Variants in MTCL2 observed in about 807,000 individuals in gnomAD.
MTCL2 encodes the protein microtubule crosslinking factor 2.
chr20:36,810,583 A>G, the MTCL2 span, among the ~76,000 whole-genome samples: 3 of 152,158 alleles, frequency 2.0e-5, no homozygotes, highest in Non-Finnish European at 4.4e-5. Context: ...GAAAAACAAA[A>G]CCAAAAACGC....
chr20:36,793,689 G>C, the MTCL2 span: 2 of 1,549,026 alleles, frequency 1.3e-6, no homozygotes, highest in Non-Finnish European at 1.7e-6. This position sits in a 1 kb window ranked among gnomAD's most constrained non-coding sequence, Gnocchi z 6.8. Context: ...TGCTTGCCCT[G>C]GTGCAGGTTC....
At chr20:36,832,061 C>T in the MTCL2 span, among the ~76,000 whole-genome samples, 11 of 152,212 alleles carry the variant, frequency 7.2e-5, no homozygotes, top group Admixed American at 6.5e-5. Flanking sequence ...AGCAGCGCAG[C>T]GTCAGGCACA....
At chr20:36,777,932 C>A in the MTCL2 span, 2 of 592,740 alleles carry the variant, frequency 3.4e-6, no homozygotes, top group Non-Finnish European at 6.0e-6. Flanking sequence ...AGGATGCTTT[C>A]TTTGTGGAGT....
chr20:36,793,898 G>A, the MTCL2 span: 2 of 1,550,802 alleles, frequency 1.3e-6, no homozygotes, highest in Non-Finnish European at 1.7e-6. The surrounding 1 kb of genome is among the most constrained non-coding windows in gnomAD (Gnocchi z 6.8). Flanking sequence ...GCTGCTGCGG[G>A]GTGGGTCGGT....
chr20:36,855,750 G>A, the MTCL2 span, among the ~76,000 whole-genome samples: 2 of 151,880 alleles, frequency 1.3e-5, no homozygotes, highest in Admixed American at 6.6e-5. Context: ...AGCCTCCCAA[G>A]TGCCCCACTA....
At chr20:36,843,402 G>A in the MTCL2 span, among the ~76,000 whole-genome samples, 2 of 152,178 alleles carry the variant, frequency 1.3e-5, no homozygotes, top group African/African-American at 2.4e-5. Flanking sequence ...GACTCCTGGG[G>A]CTGCAGAGAA....
chr20:36,838,644 A>G, the MTCL2 span, among the ~76,000 whole-genome samples: 1 of 152,034 alleles, frequency 6.6e-6, no homozygotes, highest in East Asian at 1.9e-4. Flanking sequence ...ATTAGAGGCT[A>G]GCACCAGGTG....
the MTCL2 span, among the ~76,000 whole-genome samples, chr20:36,806,844 T>A: frequency 6.6e-6 from 1 of 152,140 alleles, no homozygotes; most frequent in Non-Finnish European, 1.5e-5. Flanking sequence ...ATGCCCTAAT[T>A]TTTTTTCCCT....
At chr20:36,825,117 A>G in the MTCL2 span, among the ~76,000 whole-genome samples, 1 of 151,584 alleles carries the variant, frequency 6.6e-6, no homozygotes, top group East Asian at 1.9e-4. Flanking sequence ...TAATTTTTGT[A>G]TTTGTAGTAG....
the MTCL2 span, chr20:36,812,882 A>G: frequency 6.3e-7 from 1 of 1,594,552 alleles, no homozygotes; most frequent in Admixed American, 1.7e-5. Context: ...ACCAAAGATC[A>G]CCATGGGGAG....
the MTCL2 span, among the ~76,000 whole-genome samples, chr20:36,794,929 T>C: frequency 5.9e-3 from 897 of 151,726 alleles, 11 homozygotes; most frequent in African/African-American, 0.02. The surrounding 1 kb of genome is among the most constrained non-coding windows in gnomAD (Gnocchi z 5.4). Context: ...CCACCAAACC[T>C]GGCTTTTTTT....
the MTCL2 span, among the ~76,000 whole-genome samples, chr20:36,860,210 T>G: frequency 5.9e-5 from 9 of 152,264 alleles, no homozygotes; most frequent in East Asian, 1.7e-3. Flanking sequence ...CCAATTTCCC[T>G]TAGCCTGAAA....
At chr20:36,847,853 CAAAA>C in the MTCL2 span, among the ~76,000 whole-genome samples, 2 of 83,590 alleles carry the variant, frequency 2.4e-5, no homozygotes, top group Non-Finnish European at 2.4e-5. Context: ...CAGTCTGACT[CAAAA>C]AAAAAAAAAA....
the MTCL2 span, chr20:36,785,945 G>A: frequency 1.0e-6 from 1 of 988,436 alleles, no homozygotes; most frequent in Non-Finnish European, 1.2e-6. Flanking sequence ...CTGGGAGGAG[G>A]AGGTGGTGGA....
chr20:36,841,685 G>A, the MTCL2 span, among the ~76,000 whole-genome samples: 3 of 152,116 alleles, frequency 2.0e-5, no homozygotes, highest in Admixed American at 1.3e-4. Flanking sequence ...AATAGAATTT[G>A]GGTTTGGGAT....
chr20:36,837,691 T>C, the MTCL2 span, among the ~76,000 whole-genome samples: 1 of 151,398 alleles, frequency 6.6e-6, no homozygotes, highest in African/African-American at 2.4e-5. Flanking sequence ...GATTCTCCTG[T>C]CTCAGCCCCT....
chr20:36,859,821 C>T, the MTCL2 span: 9 of 1,231,702 alleles, frequency 7.3e-6, no homozygotes, highest in East Asian at 2.5e-4. Flanking sequence ...TTCCCTTGTA[C>T]TCAGTTTCTG....
the MTCL2 span, among the ~76,000 whole-genome samples, chr20:36,791,120 C>T: frequency 1.3e-5 from 2 of 151,926 alleles, no homozygotes; most frequent in East Asian, 3.9e-4. Flanking sequence ...CTGCAGCCTC[C>T]GCCTCCTGGG....
chr20:36,780,566 C>A, the MTCL2 span: 2 of 152,184 alleles, frequency 1.3e-5, no homozygotes, highest in Non-Finnish European at 2.9e-5. Context: ...CACCCCAGGG[C>A]CAGGGCACTG....
Sources: allele counts gnomAD v4.1 joint callset (sites outside exome capture counted in the v4.1 genomes callset), GRCh38; gene constraint gnomAD v4.1.1; non-coding constraint Gnocchi (gnomAD v3.1); transcripts MANE v1.5; gene names NCBI Gene and HGNC (gene_info 2026-07-23, HGNC 2026-07-21).